Variants in SDHC observed in about 807,000 individuals in gnomAD.
The protein encoded by SDHC is succinate dehydrogenase complex subunit C.
SDHC carries 11 observed loss-of-function variants against 22.6 expected under a neutral mutation model. That is an observed-to-expected ratio of 0.49 (90% confidence interval 0.31 to 0.81). The LOEUF (loss-of-function observed/expected upper bound fraction) is 0.81, where lower values mean the gene tolerates loss of function less well. Ranked by LOEUF, SDHC falls within the 30% of genes least tolerant of loss-of-function variation. SDHC has a pLI of 0.05. For missense variants in SDHC, 160 were observed against 212.0 expected (o/e 0.75, Z 1.52); for synonymous variants, 80 against 77.8 (o/e 1.03, Z -0.15).
At chr1:161,338,381 A>G (rs1248546491) in intron 3 of SDHC, among the ~76,000 whole-genome samples, 2 of 152,114 alleles carry the variant, frequency 1.3e-5, no homozygotes, top group Non-Finnish European at 2.9e-5. Flanking sequence ...TTTCTCTTCA[A>G]AGTGTTGAAG....
At chr1:161,320,022 T>A (rs1054641053) in intron 1 of SDHC, among the ~76,000 whole-genome samples, 1 of 152,198 alleles carries the variant, frequency 6.6e-6, no homozygotes, top group Non-Finnish European at 1.5e-5. Context: ...AGGAGAATGA[T>A]GAAACCATGT....
chr1:161,323,501 A>G (rs1451675002), intron 1 of SDHC, 113 bp from the exon 2 acceptor site: 2 of 795,694 alleles, frequency 2.5e-6, no homozygotes, highest in African/African-American at 1.7e-5. Flanking sequence ...TGATACTGTC[A>G]TTGTTTTTAT....
At chr1:161,350,988 C>CA (rs1487101224) in intron 4 of SDHC, among the ~76,000 whole-genome samples, 1 of 151,222 alleles carries the variant, frequency 6.6e-6, no homozygotes, top group Admixed American at 6.6e-5. Flanking sequence ...TAATCAGAAA[C>CA]AAAAAAGGAA....
chr1:161,339,250 A>G (rs1571866576), intron 3 of SDHC, among the ~76,000 whole-genome samples: 1 of 151,984 alleles, frequency 6.6e-6, no homozygotes, highest in African/African-American at 2.4e-5. Flanking sequence ...TGGCACAGTC[A>G]TAGCTCACTG....
At chr1:161,347,972 G>A (rs1188251495) in intron 4 of SDHC, among the ~76,000 whole-genome samples, 1 of 152,160 alleles carries the variant, frequency 6.6e-6, no homozygotes, top group Non-Finnish European at 1.5e-5. Context: ...ACCATGAAAA[G>A]CCATTAAAAG....
intron 1 of SDHC, chr1:161,314,686 C>T: frequency 1.8e-6 from 1 of 564,812 alleles, no homozygotes; most frequent in South Asian, 2.3e-5. Context: ...CCCACCTCCT[C>T]TAGTACTTCT....
At chr1:161,324,019 A>G (rs549562273) in intron 2 of SDHC, among the ~76,000 whole-genome samples, 11 of 151,916 alleles carry the variant, frequency 7.2e-5, no homozygotes, top group Non-Finnish European at 1.2e-4. Context: ...TTTTTTCCTT[A>G]GGGAAGAGCA....
chr1:161,334,835 C>G (rs1242231189), intron 3 of SDHC, among the ~76,000 whole-genome samples: 1 of 152,140 alleles, frequency 6.6e-6, no homozygotes. Context: ...AGAACATGAA[C>G]ATCTTTAAGG....
chr1:161,358,108 C>G (rs931315234), intron 5 of SDHC, among the ~76,000 whole-genome samples: 9 of 146,162 alleles, frequency 6.2e-5, no homozygotes, highest in Non-Finnish European at 1.3e-4. Flanking sequence ...GCAATCTCAG[C>G]TCACTGCAAC....
intron 3 of SDHC, among the ~76,000 whole-genome samples, chr1:161,329,801 C>T (rs1472130535): frequency 1.3e-5 from 2 of 152,186 alleles, no homozygotes; most frequent in Admixed American, 6.5e-5. Context: ...GGCTCCTTGC[C>T]TTTTCCAACT....
chr1:161,343,899 T>A (rs1671804289), intron 4 of SDHC, among the ~76,000 whole-genome samples: 1 of 152,152 alleles, frequency 6.6e-6, no homozygotes, highest in Non-Finnish European at 1.5e-5. Flanking sequence ...TGGCTAAAAT[T>A]GAATATTTTT....
chr1:161,343,690 T>G (rs988406974), intron 4 of SDHC, among the ~76,000 whole-genome samples: 2 of 152,194 alleles, frequency 1.3e-5, no homozygotes, highest in African/African-American at 4.8e-5. Context: ...TTAAGGAATT[T>G]CTAGATGGAT....
chr1:161,326,324 G>A (rs1362914633), intron 2 of SDHC, among the ~76,000 whole-genome samples: 3 of 151,940 alleles, frequency 2.0e-5, no homozygotes, highest in Non-Finnish European at 4.4e-5. Flanking sequence ...TAATACTGTG[G>A]GTTTATCCAG....
intron 1 of SDHC, among the ~76,000 whole-genome samples, chr1:161,319,638 G>C (rs145989109): frequency 0.02 from 3,031 of 152,018 alleles, 93 homozygotes; most frequent in African/African-American, 0.069. Flanking sequence ...CTAGAGGTGG[G>C]GTTTCACCAT....
At chr1:161,352,853 C>G (rs760830994) in intron 4 of SDHC, among the ~76,000 whole-genome samples, 2 of 151,878 alleles carry the variant, frequency 1.3e-5, no homozygotes, top group African/African-American at 4.8e-5. Context: ...GGCACACACC[C>G]GTAGTCCCAG....
intron 3 of SDHC, among the ~76,000 whole-genome samples, chr1:161,337,866 G>T (rs984809552): frequency 2.0e-5 from 3 of 152,084 alleles, no homozygotes; most frequent in African/African-American, 7.2e-5. Flanking sequence ...CCTCTTTAGG[G>T]TTTCAAGTCT....
At chr1:161,356,581 T>G in intron 4 of SDHC, 96 bp from the exon 5 acceptor site, 7 of 1,243,262 alleles carry the variant, frequency 5.6e-6, no homozygotes, top group Non-Finnish European at 7.1e-6. Flanking sequence ...TCAAAATGGT[T>G]TAGAATTGTA....
At chr1:161,336,546 T>G (rs1671490631) in intron 3 of SDHC, among the ~76,000 whole-genome samples, 1 of 152,138 alleles carries the variant, frequency 6.6e-6, no homozygotes, top group South Asian at 2.1e-4. Context: ...AGCCGTGGCC[T>G]TTTTTCACAG....
At chr1:161,342,799 G>C (rs1428050540) in intron 4 of SDHC, among the ~76,000 whole-genome samples, 1 of 151,966 alleles carries the variant, frequency 6.6e-6, no homozygotes, top group East Asian at 1.9e-4. Flanking sequence ...CTGGCCCCTT[G>C]GTATATCTTT....
Sources: gnomAD v4.1 joint callset for allele counts (sites outside exome capture counted in the v4.1 genomes callset) on GRCh38, gnomAD v4.1.1 for gene constraint, MANE v1.5 for transcripts, NCBI Gene and HGNC (gene_info 2026-07-23, HGNC 2026-07-21) for gene names.